Variants in CEP152 observed in about 807,000 individuals in gnomAD.
CEP152 encodes centrosomal protein of 152 kDa.
A neutral mutation model predicts 188.9 loss-of-function variants in CEP152; 132 were observed. That is an observed-to-expected ratio of 0.70 (90% CI 0.61 to 0.81). The LOEUF (loss-of-function observed/expected upper bound fraction) is 0.81, where lower values mean the gene tolerates loss of function less well. Ranked by LOEUF, CEP152 falls within the 30% of genes least tolerant of loss-of-function variation. CEP152 has a pLI of 0.00. For missense variants in CEP152, 1,914 were observed against 1,969.8 expected, an observed-to-expected ratio of 0.97 and a Z score of 0.54; for synonymous variants, 649 against 666.6, an observed-to-expected ratio of 0.97 and a Z score of 0.41.
intron 12 of CEP152, among the ~76,000 whole-genome samples, chr15:48,775,957 C>T (rs1208741527): frequency 1.3e-5 from 2 of 151,396 alleles, no homozygotes; most frequent in Non-Finnish European, 2.9e-5. Flanking sequence ...AAACACCTAA[C>T]GTATGAGTTT....
chr15:48,797,734 G>A lies in CEP152; in HGVS notation c.192-4C>T, dbSNP rs779272056. On this transcript the variant is annotated splice_polypyrimidine_tract_variant and splice_region_variant and intron_variant, in intron 3 of 26. Coordinates refer to ENST00000380950, the MANE Select transcript of CEP152 (RefSeq NM_001194998.2). ...CAATTGCTCAGGATGATGTGGTCTC[G>A]AGAAAAAGGAATACTTTCGATTTAA... The A allele has an allele frequency of 1.7e-5, 27 of 1,613,560 alleles. No individual in the cohort carries two copies. Among genetic ancestry groups the A allele is most frequent in the Non-Finnish European group, 2.3e-5 (27 of 1,179,804 alleles).
Position 48,784,090 on chromosome 15 carries a change from C to T in CEP152, c.1204G>A (p.Val402Met), listed in dbSNP as rs780764155. The T allele has an allele frequency of 7.4e-6, 12 of 1,613,338 alleles. No individual in the cohort carries two copies. Among genetic ancestry groups the T allele is most frequent in the Admixed American group, 5.0e-5 (3 of 59,902 alleles). Residue 402 changes from valine to methionine, a missense_variant, in exon 10 of 27, where the codon GTG becomes ATG. By Grantham distance (21) the Val-to-Met change is conservative. Transcript: ENST00000380950. ...TCTTGATTCCTTTCCAGTTGTTTCACGTGATCTTTCAGACGAGAGCAAATG... is the reference window on the plus strand; with the variant it reads ...TCTTGATTCCTTTCCAGTTGTTTCATGTGATCTTTCAGACGAGAGCAAATG... ...EDICSRLKDH[V>M]KQLERNQEAI...
chr15:48,769,849 A>G (rs1216154896), intron 13 of CEP152, among the ~76,000 whole-genome samples: 2 of 152,216 alleles, frequency 1.3e-5, no homozygotes, highest in African/African-American at 4.8e-5. Context: ...CCTTCCAGAA[A>G]TGTCATCCAA....
chr15:48,783,099 A>G (rs1896370231), intron 10 of CEP152: 1 of 152,200 alleles, frequency 6.6e-6, no homozygotes, highest in South Asian at 2.1e-4. Context: ...TGTGACTTTC[A>G]TATATCAGTT....
At chr15:48,761,869 C>G (rs1301792745) in intron 18 of CEP152, among the ~76,000 whole-genome samples, 1 of 152,112 alleles carries the variant, frequency 6.6e-6, no homozygotes, top group Non-Finnish European at 1.5e-5. Context: ...CAGTTAAAAG[C>G]TAGTTTTGTG....
intron 1 of CEP152, chr15:48,810,584 T>C (rs1200496320): frequency 2.0e-5 from 3 of 152,326 alleles, no homozygotes; most frequent in African/African-American, 7.2e-5. Flanking sequence ...GGGCCCAGGA[T>C]GCCCGGGGCT....
chr15:48,776,480 C>T (rs1342587178), intron 12 of CEP152, among the ~76,000 whole-genome samples: 1 of 152,022 alleles, frequency 6.6e-6, no homozygotes, highest in Non-Finnish European at 1.5e-5. Context: ...CAAATAAGTG[C>T]ACACCCTCTA....
At chr15:48,746,495 A>G (rs576651424) in intron 22 of CEP152, among the ~76,000 whole-genome samples, 12 of 152,328 alleles carry the variant, frequency 7.9e-5, no homozygotes, top group Admixed American at 5.9e-4. Flanking sequence ...TAAAGAGCTA[A>G]GTAATCACAA....
At position 48,797,812 on chromosome 15, in the gene CEP152, C is replaced by T; in HGVS notation, c.192-82G>A. 2 of 1,557,278 alleles carry T rather than the reference C, an allele frequency of 1.3e-6. 1 individual carries two copies. The highest frequency in any genetic ancestry group is 2.2e-5 in the South Asian group (2 of 89,480). Reference sequence around the variant, plus strand: ...ACACAAAGAACCCCAAGATTTTAACCTTTTTCCTTCCAATCTTCACCCAAA... The same window carrying T: ...ACACAAAGAACCCCAAGATTTTAACTTTTTTCCTTCCAATCTTCACCCAAA... On this transcript the variant is annotated intron_variant, in intron 3 of 26. Transcript: ENST00000380950.
intron 1 of CEP152, among the ~76,000 whole-genome samples, chr15:48,807,970 AAAG>A (rs1160026765): frequency 1.3e-5 from 2 of 152,166 alleles, no homozygotes; most frequent in Non-Finnish European, 2.9e-5. Context: ...ACATGTCATT[AAAG>A]AAGACATCTA....
rs1896283921 is a variant in CEP152, at chr15:48,782,042, A to C, written c.1413+97T>G. ...GGGCTGGTTTGAAGGTGGTCCAACC[A>C]CCTCTATTATACAGAGAAACCCAAG... On this transcript the variant is annotated intron_variant, in intron 11 of 26. Transcript: ENST00000380950. 1.4e-5 allele frequency: 16 copies of C among 1,123,606 alleles called. No homozygotes were observed. The Admixed American group carries it at 3.0e-4, about 21-fold the overall frequency. The allele number at this position is 1,123,606 out of a possible 1,614,324, so 69.6% of individuals were successfully genotyped here.
At chr15:48,782,556 T>A (rs972118241) in intron 10 of CEP152, among the ~76,000 whole-genome samples, 1 of 152,162 alleles carries the variant, frequency 6.6e-6, no homozygotes, top group African/African-American at 2.4e-5. Flanking sequence ...CAACTCATGG[T>A]AAGTCAAAGA....
chr15:48,752,368 T>C lies in CEP152; in HGVS notation c.3447A>G (p.Gln1149=), dbSNP rs1893933649. The C allele has an allele frequency of 6.2e-7, 1 of 1,614,072 alleles. No homozygotes were observed. Among genetic ancestry groups the C allele is most frequent in the African/African-American group, 1.3e-5 (1 of 75,048 alleles). Residue 1149 remains glutamine, a synonymous_variant, in exon 21 of 27, where the codon CAA becomes CAG. Coordinates refer to ENST00000380950, the MANE Select transcript of CEP152 (RefSeq NM_001194998.2). ...AATTACCAGCTTCTGCTTCTGTTGC[T>C]TGTAAGGCCAAGGGCTGAGCATGGT... is the stretch of plus-strand genomic sequence containing the variant. ...AGHHAQPLAL[Q]ATEAEADKKK...
At chr15:48,756,739 A>G (rs1412676830) in intron 19 of CEP152, among the ~76,000 whole-genome samples, 186 bp from the exon 20 acceptor site, 1 of 152,184 alleles carries the variant, frequency 6.6e-6, no homozygotes, top group African/African-American at 2.4e-5. Flanking sequence ...GTCAAAATAT[A>G]TACATAAATA....
chr15:48,805,530 T>C lies in CEP152; in HGVS notation c.87+33A>G, dbSNP rs375655274. 8.9e-5 allele frequency: 136 copies of C among 1,531,412 alleles called. No individual in the cohort carries two copies. In the African/African-American group the frequency reaches 2.0e-3, roughly 23 times the overall value. 94.9% of individuals were successfully genotyped at this position (1,531,412 alleles called of 1,614,324 possible). On this transcript the variant is annotated intron_variant, in intron 2 of 26. Transcript: ENST00000380950. ...AAAACTTGTTAAAGATTGGGTTTAG[T>C]GTCTCTTTTTTTTTTTTTTTTTAAC...
At position 48,797,660 on chromosome 15, in the gene CEP152, C is replaced by G. The variant is rs966888627; in HGVS notation, c.261+1G>C. 1 of 1,614,138 alleles carries G rather than the reference C, an allele frequency of 6.2e-7. No individual in the cohort carries two copies. Among genetic ancestry groups the G allele is most frequent in the Non-Finnish European group, 8.5e-7 (1 of 1,180,008 alleles). On this transcript the variant is annotated splice_donor_variant, in intron 4 of 26. Transcript: ENST00000380950. LOFTEE classifies it high-confidence loss of function. The stretch of plus-strand genomic sequence containing the variant: ...AAGTCATCATCACACCAGATACTTA[C>G]ATTTACACTTTGAGATTTGGGCAGC...
chr15:48,782,282 G>T, intron 10 of CEP152, 52 bp from the exon 11 acceptor site: 2 of 1,473,090 alleles, frequency 1.4e-6, no homozygotes, highest in Non-Finnish European at 1.9e-6. Flanking sequence ...GGGACAAAGT[G>T]CTTATGATCT....
At chr15:48,788,273 T>C (rs1294494519) in intron 9 of CEP152, among the ~76,000 whole-genome samples, 1 of 151,688 alleles carries the variant, frequency 6.6e-6, no homozygotes, top group African/African-American at 2.4e-5. Flanking sequence ...AGAAGTAGGG[T>C]TTCCAAAAGT....
chr15:48,744,315 C>A lies in CEP152; in HGVS notation c.3760G>T (p.Ala1254Ser). 6.2e-7 allele frequency: 1 copy of A among 1,614,048 alleles called. No individual in the cohort carries two copies. Among genetic ancestry groups the A allele is most frequent in the Non-Finnish European group, 8.5e-7 (1 of 1,179,962 alleles). ...RSLSAGAIEN[A>S]CLPCSGGALE... Reference sequence around the variant, plus strand: ...GCTCCCCCACTGCATGGCAGGCAAGCATTTTCAATGGCCCCTGCTGACAAT... The same window carrying A: ...GCTCCCCCACTGCATGGCAGGCAAGAATTTTCAATGGCCCCTGCTGACAAT... The change falls in exon 24 of 27, where the codon GCT (alanine) becomes TCT (serine). Residue 1254 changes from alanine to serine, a missense_variant. Physicochemically the swap from Ala to Ser is moderately conservative, Grantham distance 99 (BLOSUM62 1). Transcript: ENST00000380950.
Sources: allele counts gnomAD v4.1 joint callset (sites outside exome capture counted in the v4.1 genomes callset), GRCh38; gene constraint gnomAD v4.1.1; transcripts MANE v1.5; gene names NCBI Gene and HGNC (gene_info 2026-07-23, HGNC 2026-07-21).